IL1RAPL2: variants seen among roughly 807,000 people sequenced by gnomAD.
IL1RAPL2 encodes interleukin 1 receptor accessory protein like 2.
IL1RAPL2 carries 3 observed loss-of-function variants against 44.1 expected under a neutral mutation model. The ratio of observed to expected loss-of-function variants is 0.07; its 90% CI spans 0.03 to 0.18. IL1RAPL2 has a LOEUF of 0.18. Among genes scored for constraint, IL1RAPL2 ranks in the 10% least tolerant of loss-of-function variants. IL1RAPL2 has a pLI of 1.00. For synonymous variants in IL1RAPL2, 181 were observed against 178.8 expected, an observed-to-expected ratio of 1.01 and a Z score of -0.10; for missense variants, 391 against 496.4, an observed-to-expected ratio of 0.79 and a Z score of 2.02.
At chrX:105,216,242 G>A (rs782777074) in intron 3 of IL1RAPL2, among the ~76,000 whole-genome samples, 1 of 111,284 alleles carries the variant, frequency 9.0e-6, no homozygotes, top group Admixed American at 9.6e-5. Flanking sequence ...CCCTTAAGCT[G>A]ATAAGCAACT....
chrX:105,070,349 A>T, intron 2 of IL1RAPL2, among the ~76,000 whole-genome samples: 1 of 111,500 alleles, frequency 9.0e-6, no homozygotes, highest in East Asian at 2.8e-4. Flanking sequence ...AAGGCAGTCT[A>T]TTTTTCTTTT....
chrX:105,690,852 A>G (rs1439134225), intron 6 of IL1RAPL2, among the ~76,000 whole-genome samples: 2 of 111,770 alleles, frequency 1.8e-5, no homozygotes, highest in Admixed American at 9.5e-5. Context: ...ACAAAGCACC[A>G]TAAACTGGGT....
intron 2 of IL1RAPL2, among the ~76,000 whole-genome samples, chrX:104,719,148 G>A (rs1009332875): frequency 2.7e-5 from 3 of 112,100 alleles, no homozygotes; most frequent in African/African-American, 9.7e-5. Context: ...TGTGAAATAA[G>A]CCAATGTGAA....
intron 6 of IL1RAPL2, among the ~76,000 whole-genome samples, chrX:105,714,765 T>G (rs941546674): frequency 1.8e-5 from 2 of 112,004 alleles, no homozygotes; most frequent in Admixed American, 9.4e-5. Context: ...ACTGTTACAT[T>G]GGCAATTGAA....
At chrX:105,217,454 G>A (rs1288817361) in intron 3 of IL1RAPL2, among the ~76,000 whole-genome samples, 1 of 111,607 alleles carries the variant, frequency 9.0e-6, no homozygotes, top group Non-Finnish European at 1.9e-5. Context: ...GAAACAACAG[G>A]TGCTGGAGAG....
At chrX:104,648,942 C>T (rs1930097707) in intron 1 of IL1RAPL2, among the ~76,000 whole-genome samples, 1 of 111,480 alleles carries the variant, frequency 9.0e-6, no homozygotes, top group African/African-American at 3.3e-5. Context: ...CTTCTCCTTG[C>T]ATTCTCTCCT....
intron 2 of IL1RAPL2, 110 bp downstream of exon 2, chrX:104,659,105 A>G (rs376423909): frequency 4.1e-6 from 2 of 493,280 alleles, no homozygotes; most frequent in East Asian, 3.6e-5. Flanking sequence ...AAGCACTCGT[A>G]TTCCAGTTAT....
At chrX:105,244,950 A>ATTGAG (rs1406293468) in intron 4 of IL1RAPL2, among the ~76,000 whole-genome samples, 8 of 111,724 alleles carry the variant, frequency 7.2e-5, no homozygotes, top group Non-Finnish European at 1.5e-4. Flanking sequence ...TTATTTGAAC[A>ATTGAG]CATTTTGAAG....
intron 1 of IL1RAPL2, among the ~76,000 whole-genome samples, chrX:104,601,712 C>T (rs186279600): frequency 9.8e-5 from 11 of 111,880 alleles, no homozygotes; most frequent in Non-Finnish European, 1.9e-4. Context: ...TATTCTATGG[C>T]TATTATTAAG....
chrX:104,619,837 TATC>T (rs1387826488), intron 1 of IL1RAPL2, among the ~76,000 whole-genome samples: 3 of 112,165 alleles, frequency 2.7e-5, no homozygotes, highest in Non-Finnish European at 5.6e-5. Flanking sequence ...TGCTGAGTGT[TATC>T]ATGGAGAAGT....
chrX:105,199,822 T>G (rs1215024002), intron 3 of IL1RAPL2, among the ~76,000 whole-genome samples: 3 of 112,475 alleles, frequency 2.7e-5, no homozygotes, highest in African/African-American at 3.2e-5. Flanking sequence ...CTGTTGAATA[T>G]TACCTCTCAT....
intron 5 of IL1RAPL2, among the ~76,000 whole-genome samples, chrX:105,379,404 A>G (rs1185976087): frequency 8.9e-6 from 1 of 112,097 alleles, no homozygotes; most frequent in Non-Finnish European, 1.9e-5. Flanking sequence ...TTTCCGAACT[A>G]GCCAATGAGT....
chrX:104,946,034 CAA>C (rs1406000829), intron 2 of IL1RAPL2, among the ~76,000 whole-genome samples: 1 of 109,843 alleles, frequency 9.1e-6, no homozygotes, highest in Non-Finnish European at 1.9e-5. Context: ...TATTTTTTTA[CAA>C]AGTCCAAATT....
chrX:104,922,059 C>T (rs1220807252), intron 2 of IL1RAPL2, among the ~76,000 whole-genome samples: 2 of 112,336 alleles, frequency 1.8e-5, no homozygotes, highest in Admixed American at 9.3e-5. Context: ...TAAGTGTTTA[C>T]GACTGCCTTG....
At chrX:105,225,661 A>T (rs141738773) in intron 3 of IL1RAPL2, among the ~76,000 whole-genome samples, 1,845 of 83,283 alleles carry the variant, frequency 0.022, 40 homozygotes, top group African/African-American at 0.06. Flanking sequence ...TATAGAAAAC[A>T]TACTTTTATT....
At chrX:104,630,504 G>A (rs757388311) in intron 1 of IL1RAPL2, among the ~76,000 whole-genome samples, 44 of 107,656 alleles carry the variant, frequency 4.1e-4, no homozygotes, top group African/African-American at 1.4e-3. Context: ...CACCATGTTG[G>A]CCAGACTGGT....
chrX:104,866,879 G>C (rs1922629772), intron 2 of IL1RAPL2, among the ~76,000 whole-genome samples: 1 of 111,278 alleles, frequency 9.0e-6, no homozygotes, highest in African/African-American at 3.3e-5. Context: ...CTTGAACACA[G>C]TCATGTTCTT....
intron 2 of IL1RAPL2, among the ~76,000 whole-genome samples, chrX:104,964,413 G>A (rs376490817): frequency 1.8e-5 from 2 of 109,038 alleles, no homozygotes; most frequent in African/African-American, 6.7e-5. Flanking sequence ...CTGGGTTCAC[G>A]CCATTCTCCT....
chrX:104,648,571 C>A (rs1178591464), intron 1 of IL1RAPL2, among the ~76,000 whole-genome samples: 4 of 111,862 alleles, frequency 3.6e-5, no homozygotes, highest in African/African-American at 9.7e-5. Flanking sequence ...GGGATTTAGA[C>A]ACCACATCAA....
Sources: gnomAD v4.1 joint callset for allele counts (sites outside exome capture counted in the v4.1 genomes callset) on GRCh38, gnomAD v4.1.1 for gene constraint, MANE v1.5 for transcripts, NCBI Gene and HGNC (gene_info 2026-07-23, HGNC 2026-07-21) for gene names.